The following PARP8 variants were observed in gnomAD, a reference collection of about 807,000 sequenced individuals.
PARP8 encodes the protein protein mono-ADP-ribosyltransferase PARP8.
A neutral mutation model predicts 124.1 loss-of-function variants in PARP8; 51 were observed. The observed-to-expected ratio is 0.41, with a 90% CI of 0.33 to 0.52. PARP8 has a LOEUF of 0.52. PARP8 is among the 20% of genes least tolerant of loss of function. The pLI, the probability that PARP8 is intolerant of heterozygous loss-of-function variation, is 0.21. For synonymous variants in PARP8, 391 were observed against 361.5 expected (o/e 1.08, Z -0.93); for missense variants, 860 against 1,018.9 (o/e 0.84, Z 2.12).
intron 7 of PARP8, among the ~76,000 whole-genome samples, chr5:50,773,225 A>G (rs1761805755): frequency 1.3e-5 from 2 of 152,126 alleles, no homozygotes; most frequent in African/African-American, 4.8e-5. Flanking sequence ...AGTGCTTTTG[A>G]ATTCTTATTC....
intron 2 of PARP8, among the ~76,000 whole-genome samples, chr5:50,676,544 T>C (rs1399185738): frequency 6.6e-6 from 1 of 152,214 alleles, no homozygotes; most frequent in African/African-American, 2.4e-5. Context: ...AGGGAAGTGT[T>C]AGAGATGGAT....
intron 3 of PARP8, chr5:50,757,201 G>A (rs1394944350): frequency 2.2e-6 from 1 of 455,404 alleles, no homozygotes; most frequent in Non-Finnish European, 4.4e-6. Flanking sequence ...GATCTCAAAA[G>A]GATTGCTGAA....
chr5:50,682,455 A>G (rs1433829975), intron 2 of PARP8, among the ~76,000 whole-genome samples: 2 of 152,166 alleles, frequency 1.3e-5, no homozygotes, highest in Middle Eastern at 3.2e-3. Context: ...TTCATGTGCT[A>G]ATATTAACTC....
chr5:50,732,885 T>C (rs1321845380), intron 2 of PARP8, among the ~76,000 whole-genome samples: 2 of 151,886 alleles, frequency 1.3e-5, no homozygotes, highest in Non-Finnish European at 2.9e-5. Context: ...CCCAAAGTGC[T>C]GGGATTACAG....
At chr5:50,840,154 TAA>T (rs71612385) in intron 25 of PARP8, among the ~76,000 whole-genome samples, 10,139 of 151,966 alleles carry the variant, frequency 0.067, 376 homozygotes, top group Middle Eastern at 0.11. Context: ...TAGAAAAAAA[TAA>T]TTCTTTCTAT....
chr5:50,689,032 AT>A (rs67863550), intron 2 of PARP8, among the ~76,000 whole-genome samples: 57,267 of 111,080 alleles, frequency 0.52, 14,668 homozygotes, highest in East Asian at 0.69. Context: ...TTTTTTTTTG[AT>A]TTTTTTTTTT....
Position 50,788,512 on chromosome 5 carries a change from T to C in PARP8, c.671-11T>C, listed in dbSNP as rs756344662. 3 of 1,611,996 alleles carry C rather than the reference T, an allele frequency of 1.9e-6. No homozygotes were observed. Among genetic ancestry groups the C allele is most frequent in the Admixed American group, 3.3e-5 (2 of 59,880 alleles). ...AGTCAATATGTGACTGTGATCCTTT[T>C]TCCTTTCCAGTGCCCACTGTTGATG... On this transcript the variant is annotated splice_polypyrimidine_tract_variant and intron_variant, in intron 9 of 25. Coordinates refer to ENST00000281631, the MANE Select transcript of PARP8 (RefSeq NM_024615.4).
At chr5:50,715,241 T>TA (rs1213210429) in intron 2 of PARP8, among the ~76,000 whole-genome samples, 1 of 152,044 alleles carries the variant, frequency 6.6e-6, no homozygotes, top group Non-Finnish European at 1.5e-5. Flanking sequence ...CACCCACAGT[T>TA]ATCGCTCTTT....
intron 14 of PARP8, 57 bp from the exon 15 acceptor site, chr5:50,815,375 A>T (rs556720402): frequency 2.4e-6 from 3 of 1,240,534 alleles, no homozygotes; most frequent in South Asian, 1.5e-5. Flanking sequence ...TGTGAATTTA[A>T]TTTTGATATT....
intron 2 of PARP8, among the ~76,000 whole-genome samples, chr5:50,673,460 C>A (rs1750268888): frequency 6.6e-6 from 1 of 152,136 alleles, no homozygotes; most frequent in Non-Finnish European, 1.5e-5. Flanking sequence ...GCTTGCCTTG[C>A]TTTATCCCGT....
Position 50,763,137 on chromosome 5 carries a change from C to G in PARP8, c.424-11C>G, listed in dbSNP as rs533675133. ...CTTCTGAGACACTTTTAAATTATCC[C>G]TTTTCATCAGGTGAACTATGATGGG... On this transcript the variant is annotated splice_polypyrimidine_tract_variant and intron_variant, in intron 6 of 25. Coordinates refer to ENST00000281631, the MANE Select transcript of PARP8 (RefSeq NM_024615.4). 6.2e-7 allele frequency: 1 copy of G among 1,601,664 alleles called. No homozygotes were observed. The highest frequency in any genetic ancestry group is 2.2e-5 in the East Asian group (1 of 44,768).
chr5:50,750,804 A>G (rs1260313945), intron 3 of PARP8, among the ~76,000 whole-genome samples: 1 of 152,174 alleles, frequency 6.6e-6, no homozygotes. Context: ...CTATAAAACT[A>G]TTGTACAGTT....
chr5:50,816,023 A>G (rs889182282), intron 15 of PARP8, among the ~76,000 whole-genome samples: 4 of 152,084 alleles, frequency 2.6e-5, no homozygotes, highest in African/African-American at 9.7e-5. Flanking sequence ...TGACTAAACT[A>G]CTAATTCATC....
At chr5:50,832,674 G>A (rs927192785) in intron 22 of PARP8, 107 bp from the exon 23 acceptor site, 4 of 1,083,202 alleles carry the variant, frequency 3.7e-6, no homozygotes, top group Non-Finnish European at 5.5e-6. Context: ...CTAGCCTAAT[G>A]TGATCAAACC....
rs953961423 is a variant in PARP8, at chr5:50,845,164, A to G, written c.*3096A>G. On this transcript the variant is annotated 3_prime_UTR_variant, in exon 26 of 26. Coordinates refer to ENST00000281631, the MANE Select transcript of PARP8 (RefSeq NM_024615.4). Reference sequence around the variant, plus strand: ...ATTTTTCTCCCCTTTGCTAAAAGAAAGAAAATCTATAATATGTAAGTCTAT... The same window carrying G: ...ATTTTTCTCCCCTTTGCTAAAAGAAGGAAAATCTATAATATGTAAGTCTAT... 6.6e-6 allele frequency: 1 copy of G among 151,786 alleles called. No homozygotes were observed. The highest frequency in any genetic ancestry group is 1.5e-5 in the Non-Finnish European group (1 of 67,772). 9.4% of individuals were successfully genotyped at this position (151,786 alleles called of 1,614,324 possible). A position where few individuals can be genotyped will look rare whatever the true frequency, so the allele number is the denominator to read the frequency against.
chr5:50,683,805 T>C (rs1751556673), intron 2 of PARP8, among the ~76,000 whole-genome samples: 2 of 152,328 alleles, frequency 1.3e-5, no homozygotes, highest in Middle Eastern at 6.8e-3. Flanking sequence ...CGTTAAAATA[T>C]GTTTTATGCC....
At chr5:50,669,600 A>G (rs1333194520) in intron 2 of PARP8, 1 of 152,212 alleles carries the variant, frequency 6.6e-6, no homozygotes, top group East Asian at 1.9e-4. Flanking sequence ...CTTAATCACT[A>G]AGATCTGTTA....
intron 1 of PARP8, chr5:50,667,654 C>A: frequency 1.4e-6 from 1 of 699,668 alleles, no homozygotes; most frequent in South Asian, 1.5e-5. Context: ...CGGCCCATCT[C>A]CGGCCCCTTC....
At position 50,666,759 on chromosome 5, in the gene PARP8, C is replaced by A; in HGVS notation, c.-337C>A. ...TCTGGCTGTCCCCGGCACCTCGGCC[C>A]CCACGGCCGTTGGTCCGGGCGGGTG... On this transcript the variant is annotated 5_prime_UTR_variant, in exon 1 of 26. Transcript: ENST00000281631. 1.4e-6 allele frequency: 1 copy of A among 724,902 alleles called. No homozygotes were observed. The highest frequency in any genetic ancestry group is 1.8e-6 in the Non-Finnish European group (1 of 555,954). 44.9% of individuals were successfully genotyped at this position (724,902 alleles called of 1,614,324 possible). A position where few individuals can be genotyped will look rare whatever the true frequency, so the allele number is the denominator to read the frequency against.
Sources: gnomAD v4.1 joint callset for allele counts (sites outside exome capture counted in the v4.1 genomes callset) on GRCh38, gnomAD v4.1.1 for gene constraint, MANE v1.5 for transcripts, NCBI Gene and HGNC (gene_info 2026-07-23, HGNC 2026-07-21) for gene names.